CHD2: variants seen among roughly 807,000 people sequenced by gnomAD.
The protein encoded by CHD2 is ATP-dependent chromatin remodeler CHD2.
Under a neutral mutation model 243.9 loss-of-function variants are expected in CHD2, and 28 were observed. That is an observed-to-expected ratio of 0.11 (90% confidence interval 0.09 to 0.16). The LOEUF (loss-of-function observed/expected upper bound fraction) is 0.16. Among genes scored for constraint, CHD2 ranks in the 10% least tolerant of loss-of-function variants. CHD2 has a pLI of 1.00. For missense variants in CHD2, 1,386 were observed against 2,209.8 expected (o/e 0.63, Z 7.47); for synonymous variants, 775 against 779.0 (o/e 0.99, Z 0.09).
chr15:92,904,960 C>G, intron 2 of CHD2: 2 of 1,536,020 alleles, frequency 1.3e-6, no homozygotes, highest in Non-Finnish European at 1.7e-6. Context: ...TGCGTTTTTA[C>G]TTGGTACCGT....
chr15:92,950,137 A>G (rs1395946072), intron 13 of CHD2, among the ~76,000 whole-genome samples: 1 of 152,260 alleles, frequency 6.6e-6, no homozygotes, highest in Non-Finnish European at 1.5e-5. Flanking sequence ...AGCAGGTTAT[A>G]GTCCAGAACA....
intron 38 of CHD2, 128 bp downstream of exon 38, chr15:93,020,386 C>A: frequency 8.7e-7 from 1 of 1,152,240 alleles, no homozygotes; most frequent in Non-Finnish European, 1.3e-6. Context: ...ATGTGTCAGC[C>A]ACAGCGAATC....
At chr15:92,956,984 C>G (rs1467746729) in intron 16 of CHD2, among the ~76,000 whole-genome samples, 1 of 152,098 alleles carries the variant, frequency 6.6e-6, no homozygotes, top group South Asian at 2.1e-4. Context: ...GGTACACAAG[C>G]ACTGAAAAGT....
intron 26 of CHD2, 113 bp from the exon 27 acceptor site, chr15:92,991,363 A>C (rs889044433): frequency 1.6e-6 from 1 of 641,280 alleles, no homozygotes; most frequent in Non-Finnish European, 2.6e-6. Flanking sequence ...GATTGAGTCC[A>C]CTCTATTTTT....
chr15:92,977,631 A>G (rs2053927276), intron 20 of CHD2, among the ~76,000 whole-genome samples: 1 of 152,120 alleles, frequency 6.6e-6, no homozygotes, highest in Non-Finnish European at 1.5e-5. Flanking sequence ...CTGCAGTGTC[A>G]GTGCCTGGGT....
In CHD2 at chr15:92,998,598, G is replaced by C. The variant is rs760165151; in HGVS notation, c.3985G>C (p.Gly1329Arg). The change falls in exon 31 of 39, where the codon GGG becomes CGG. Residue 1329 changes from glycine (G) to arginine (R), a missense_variant. Around this residue, in one of 19 missense-constraint regions of CHD2, gnomAD observed 125 missense variants for 128.9 expected, o/e 0.97. Transcript: ENST00000394196. The surrounding 1 kb of genome is among the most constrained non-coding windows in gnomAD (Gnocchi z 5.1). ...KLLRKGLEKK[G>R]AVTGGEEAKL... The stretch of plus-strand genomic sequence containing the variant: ...GCTCAGAAAGGGTCTGGAGAAGAAG[G>C]GGGCTGTGACAGGTGGGGAAGAGGT... The C allele has an allele frequency of 4.3e-6, 7 of 1,612,966 alleles. No homozygotes were observed. Among genetic ancestry groups the C allele is most frequent in the Admixed American group, 1.7e-5 (1 of 60,006 alleles).
At position 92,981,402 on chromosome 15, in the gene CHD2, C is replaced by T. The variant is rs967898289; in HGVS notation, c.3011C>T (p.Thr1004Met). Residue 1004 changes from threonine to methionine, a missense_variant, in exon 24 of 39, where the codon ACG (threonine) becomes ATG (methionine). Physicochemically the swap from Thr to Met is moderately conservative, Grantham distance 81. Coordinates refer to ENST00000394196, the MANE Select transcript of CHD2 (RefSeq NM_001271.4). Reference protein sequence around the residue: ...DIDEILRLAETRENEVSTSAT... With the variant: ...DIDEILRLAEMRENEVSTSAT... ...GATGAAATTTTGCGGTTGGCTGAAA[C>T]GAGAGAGAATGAAGTGTCAACAAGT... The T allele has an allele frequency of 1.9e-6, 3 of 1,613,622 alleles. No individual in the cohort carries two copies. Among genetic ancestry groups the T allele is most frequent in the Non-Finnish European group, 2.5e-6 (3 of 1,179,706 alleles).
At chr15:92,903,188 TG>T (rs1596361112) in intron 2 of CHD2, among the ~76,000 whole-genome samples, 1 of 152,260 alleles carries the variant, frequency 6.6e-6, no homozygotes, top group Admixed American at 6.5e-5. Flanking sequence ...TTTTAAAATG[TG>T]CAGCTGTAGA....
intron 17 of CHD2, 56 bp downstream of exon 17, chr15:92,967,569 T>C (rs1474627006): frequency 7.5e-7 from 1 of 1,338,718 alleles, no homozygotes; most frequent in African/African-American, 1.5e-5. Context: ...CATGAAACTA[T>C]TAGATAGGAG....
chr15:92,948,194 A>G (rs1355708272), intron 12 of CHD2, among the ~76,000 whole-genome samples: 1 of 152,122 alleles, frequency 6.6e-6, no homozygotes, highest in Non-Finnish European at 1.5e-5. Flanking sequence ...GGGAAAACCA[A>G]ATTCACGCAA....
intron 4 of CHD2, among the ~76,000 whole-genome samples, chr15:92,927,648 C>T (rs1475042481): frequency 1.3e-5 from 2 of 152,094 alleles, no homozygotes; most frequent in Non-Finnish European, 2.9e-5. Flanking sequence ...CCTTTTTAAG[C>T]CCCTAACTTC....
At chr15:92,902,129 C>A (rs1018781596) in intron 2 of CHD2, 1 of 397,818 alleles carries the variant, frequency 2.5e-6, no homozygotes, top group Non-Finnish European at 4.4e-6. Flanking sequence ...TTTATCCTCA[C>A]AATTTAGATG....
At chr15:92,985,290 C>T (rs1383535924) in intron 25 of CHD2, among the ~76,000 whole-genome samples, 3 of 152,114 alleles carry the variant, frequency 2.0e-5, no homozygotes, top group Non-Finnish European at 2.9e-5. Flanking sequence ...GTTCACTTAT[C>T]GTTATATTAC....
At chr15:93,019,756 A>G (rs1334937213) in intron 37 of CHD2, among the ~76,000 whole-genome samples, 1 of 152,168 alleles carries the variant, frequency 6.6e-6, no homozygotes, top group Non-Finnish European at 1.5e-5. Flanking sequence ...CAACATGGTG[A>G]AACCCTGTCT....
At chr15:92,996,893 TA>T in intron 28 of CHD2, 63 bp from the exon 29 acceptor site, 1 of 1,519,168 alleles carries the variant, frequency 6.6e-7, no homozygotes, top group South Asian at 1.3e-5. Flanking sequence ...GGTTCGTTGA[TA>T]CATGTTTTCT....
intron 24 of CHD2, among the ~76,000 whole-genome samples, chr15:92,982,878 G>A (rs191264313): frequency 2.0e-5 from 3 of 152,122 alleles, no homozygotes; most frequent in South Asian, 2.1e-4. Context: ...CGTCATAGTC[G>A]GTTTGGGCTC....
intron 21 of CHD2, 81 bp from the exon 22 acceptor site, chr15:92,979,054 G>T: frequency 6.5e-7 from 1 of 1,539,878 alleles, no homozygotes; most frequent in South Asian, 1.3e-5. Flanking sequence ...CTTGGGTTTT[G>T]ACAGAGCTAA....
In CHD2 at chr15:93,005,768, G is replaced by A. The variant is rs145827357; in HGVS notation, c.4413+1017G>A. Among the ~76,000 whole-genome samples, 62 of 152,272 alleles carry A rather than the reference G, an allele frequency of 4.1e-4. No homozygotes were observed. In the East Asian group the frequency reaches 0.011, roughly 26 times the overall value. On this transcript the variant is annotated intron_variant, in intron 34 of 38. Coordinates refer to ENST00000394196, the MANE Select transcript of CHD2 (RefSeq NM_001271.4). ...TATTGTTTTATATAAAGGTCATTTA[G>A]ATGCTAGAAGTATATCAATAAATGA...
chr15:92,923,210 A>G (rs1016023794), intron 2 of CHD2, among the ~76,000 whole-genome samples: 2 of 152,298 alleles, frequency 1.3e-5, no homozygotes, highest in Admixed American at 6.5e-5. Context: ...CCACGATTGG[A>G]TAATTGCAAC....
Sources: gnomAD v4.1 joint callset for allele counts (sites outside exome capture counted in the v4.1 genomes callset) on GRCh38, gnomAD v4.1.1 for gene constraint, gnomAD v4.1.1 regional missense constraint, Gnocchi (gnomAD v3.1) non-coding constraint, MANE v1.5 for transcripts, NCBI Gene and HGNC (gene_info 2026-07-23, HGNC 2026-07-21) for gene names.